LRP8: variants seen among roughly 807,000 people sequenced by gnomAD.
LRP8 encodes LDL receptor related protein 8, also known as low-density lipoprotein receptor-related protein 8.
LRP8 carries 46 observed loss-of-function variants against 111.6 expected under a neutral mutation model. The observed-to-expected ratio is 0.41, with a 90% CI of 0.33 to 0.53. The LOEUF (loss-of-function observed/expected upper bound fraction) is 0.53. Ranked by LOEUF, LRP8 falls within the 20% of genes least tolerant of loss-of-function variation. The pLI, the probability that LRP8 is intolerant of heterozygous loss-of-function variation, is 0.20. For synonymous variants in LRP8, 464 were observed against 511.2 expected (o/e 0.91, Z 1.24); for missense variants, 959 against 1,297.4 (o/e 0.74, Z 4.01).
intron 9 of LRP8, among the ~76,000 whole-genome samples, chr1:53,265,103 AAG>A (rs1251482220): frequency 2.6e-5 from 4 of 152,116 alleles, no homozygotes; most frequent in African/African-American, 4.8e-5. Context: ...GTGGGAGATT[AAG>A]AGAGTCTGAA....
chr1:53,314,850 C>G (rs1653592947), intron 2 of LRP8, among the ~76,000 whole-genome samples: 1 of 152,222 alleles, frequency 6.6e-6, no homozygotes, highest in South Asian at 2.1e-4. Flanking sequence ...CTGAGCCACG[C>G]TGGGGACAGT....
chr1:53,312,813 T>C (rs973932689), intron 2 of LRP8, among the ~76,000 whole-genome samples: 1 of 152,178 alleles, frequency 6.6e-6, no homozygotes, highest in Non-Finnish European at 1.5e-5. Context: ...CTGAAGGGGT[T>C]CCTGAGATGC....
chr1:53,287,824 A>G (rs1421620831), intron 3 of LRP8, among the ~76,000 whole-genome samples: 2 of 152,000 alleles, frequency 1.3e-5, no homozygotes, highest in Non-Finnish European at 2.9e-5. Flanking sequence ...AGACAGAGGG[A>G]CACATGAGTA....
chr1:53,259,426 A>G (rs1646242059), intron 13 of LRP8, among the ~76,000 whole-genome samples: 1 of 151,844 alleles, frequency 6.6e-6, no homozygotes, highest in South Asian at 2.1e-4. Context: ...TACTACTTTT[A>G]TTGGGTACTT....
chr1:53,318,200 T>C (rs1654054942), intron 2 of LRP8, among the ~76,000 whole-genome samples: 1 of 151,632 alleles, frequency 6.6e-6, no homozygotes, highest in Non-Finnish European at 1.5e-5. Flanking sequence ...CTTCTACCAA[T>C]ATCCTGAGAA....
chr1:53,307,615 GAC>G (rs112346546), intron 2 of LRP8, among the ~76,000 whole-genome samples: 14 of 152,290 alleles, frequency 9.2e-5, no homozygotes, highest in South Asian at 8.3e-4. Context: ...TGTCATGCTG[GAC>G]ACACACTGCA....
At chr1:53,287,707 C>T (rs539854278) in intron 3 of LRP8, among the ~76,000 whole-genome samples, 3 of 152,296 alleles carry the variant, frequency 2.0e-5, no homozygotes, top group East Asian at 3.9e-4. Context: ...TGTTGTCCCT[C>T]AACTGTGAAA....
At position 53,287,459 on chromosome 1, in the gene LRP8, T is replaced by TGTTA. The variant is rs780338770; in HGVS notation, c.367+2104_367+2107dup. On this transcript the variant is annotated intron_variant, in intron 3 of 18. Transcript: ENST00000306052. ...TGGAGAAGATTCTGGAATTCCGGAG[T>TGTTA]GTTACTGATCAGGGCCCAGAGGGAG... is the stretch of plus-strand genomic sequence containing the variant. Among the ~76,000 whole-genome samples the TGTTA allele has an allele frequency of 7.2e-5, 11 of 152,008 alleles. 1 individual carries two copies. The East Asian group carries it at 1.9e-3, about 27-fold the overall frequency.
At chr1:53,282,383 T>C (rs2100437070) in intron 3 of LRP8, among the ~76,000 whole-genome samples, 1 of 152,304 alleles carries the variant, frequency 6.6e-6, no homozygotes, top group Non-Finnish European at 1.5e-5. Flanking sequence ...CAAATAACTG[T>C]CAGGTTGAGC....
intron 15 of LRP8, among the ~76,000 whole-genome samples, chr1:53,256,880 A>G (rs1646109852): frequency 6.6e-6 from 1 of 152,194 alleles, no homozygotes; most frequent in South Asian, 2.1e-4. Context: ...ATAGACACAC[A>G]CACCCTCGCA....
rs187891922 is a variant in LRP8 at position 53,263,241 on chromosome 1, G to A, written c.1656-677C>T. The stretch of plus-strand genomic sequence containing the variant: ...AAGTGAGGGTAAGAGGAGAGGCTCC[G>A]TATCTGTCAGAGTGCCTAGTTCTGT... On this transcript the variant is annotated intron_variant, in intron 10 of 18. Coordinates refer to ENST00000306052, the MANE Select transcript of LRP8 (RefSeq NM_004631.5). Among the ~76,000 whole-genome samples, 625 of 152,284 alleles carry A rather than the reference G, an allele frequency of 4.1e-3. 1 individual carries two copies. Among genetic ancestry groups the A allele is most frequent in the Non-Finnish European group, 6.2e-3 (421 of 68,024 alleles).
In LRP8 at chr1:53,249,320, C is replaced by T; in HGVS notation, c.2853+60G>A. 1 of 1,556,570 alleles carries T rather than the reference C, an allele frequency of 6.4e-7. No homozygotes were observed. The highest frequency in any genetic ancestry group is 1.2e-5 in the South Asian group (1 of 83,154). ...AGAAAGCCTTCTAGGATTGGCTGCG[C>T]CTGCCTTGGTTCATGCCCTCACTCA... On this transcript the variant is annotated intron_variant, in intron 18 of 18. Coordinates refer to ENST00000306052, the MANE Select transcript of LRP8 (RefSeq NM_004631.5). This position sits in a 1 kb window ranked among gnomAD's most constrained non-coding sequence, Gnocchi z 4.1.
Position 53,276,925 on chromosome 1 carries a change from C to A in LRP8, c.650G>T (p.Gly217Val). The change falls in exon 5 of 19, where the codon GGC (glycine) becomes GTC (valine). Residue 217 changes from glycine (G) to valine (V), a missense_variant. Transcript: ENST00000306052. ...GPREFRCGGD[G>V]GGACIPERWV... The stretch of plus-strand genomic sequence containing the variant: ...GCGCTCCGGGATGCAGGCGCCGCCG[C>A]CATCGCCGCCGCAGCGGAACTCGCG... 6.9e-7 allele frequency: 1 copy of A among 1,443,708 alleles called. No individual in the cohort carries two copies. The highest frequency in any genetic ancestry group is 9.1e-7 in the Non-Finnish European group (1 of 1,101,160). 89.4% of individuals were successfully genotyped at this position (1,443,708 alleles called of 1,614,324 possible).
chr1:53,262,363 A>C lies in LRP8; in HGVS notation c.1774+83T>G. 6.5e-7 allele frequency: 1 copy of C among 1,530,488 alleles called. No individual in the cohort carries two copies. The highest frequency in any genetic ancestry group is 9.0e-7 in the Non-Finnish European group (1 of 1,109,454). 94.8% of individuals were successfully genotyped at this position (1,530,488 alleles called of 1,614,324 possible). On this transcript the variant is annotated intron_variant, in intron 11 of 18. Coordinates refer to ENST00000306052, the MANE Select transcript of LRP8 (RefSeq NM_004631.5). This position sits in a 1 kb window ranked among gnomAD's most constrained non-coding sequence, Gnocchi z 4.8. ...AGTCACTGGCACCATGAGAGGACCCAGAAACAAGACTCATGGAGTTCCAGA... is the reference window on the plus strand; with the variant it reads ...AGTCACTGGCACCATGAGAGGACCCCGAAACAAGACTCATGGAGTTCCAGA...
At chr1:53,283,505 T>C (rs186955686) in intron 3 of LRP8, among the ~76,000 whole-genome samples, 24 of 132,258 alleles carry the variant, frequency 1.8e-4, no homozygotes, top group African/African-American at 3.8e-4. Context: ...ACTTACTTAC[T>C]TACTACATAC....
intron 14 of LRP8, 67 bp from the exon 15 acceptor site, chr1:53,257,531 G>T (rs1557754931): frequency 2.5e-6 from 3 of 1,208,030 alleles, no homozygotes; most frequent in Middle Eastern, 1.9e-4. Context: ...TTGCCTCTGA[G>T]ATATACTTAG....
rs1307660841 is a variant in LRP8, at chr1:53,255,087, T to G, written c.2503+30A>C. The G allele has an allele frequency of 1.9e-6, 3 of 1,611,500 alleles. No individual in the cohort carries two copies. In the African/African-American group the frequency reaches 4.0e-5, roughly 22 times the overall value. ...CCTAGGCCTAAGCAGGGTCTCTCTT[T>G]TCTCTTCAGTGACTGGGGGCCACAC... On this transcript the variant is annotated intron_variant, in intron 16 of 18. Coordinates refer to ENST00000306052, the MANE Select transcript of LRP8 (RefSeq NM_004631.5).
intron 15 of LRP8, among the ~76,000 whole-genome samples, chr1:53,255,961 T>C (rs1646071486): frequency 6.6e-6 from 1 of 152,176 alleles, no homozygotes; most frequent in African/African-American, 2.4e-5. Flanking sequence ...TTGAATAGGG[T>C]CTAAATTTTA....
At chr1:53,316,559 C>A (rs1383575345) in intron 2 of LRP8, among the ~76,000 whole-genome samples, 1 of 152,194 alleles carries the variant, frequency 6.6e-6, no homozygotes, top group African/African-American at 2.4e-5. Flanking sequence ...CAGCCCTGGG[C>A]CTCAGAGAAC....
Sources: allele counts gnomAD v4.1 joint callset (sites outside exome capture counted in the v4.1 genomes callset), GRCh38; gene constraint gnomAD v4.1.1; non-coding constraint Gnocchi (gnomAD v3.1); transcripts MANE v1.5; gene names NCBI Gene and HGNC (gene_info 2026-07-23, HGNC 2026-07-21).